CACNA2D4: variants seen among roughly 807,000 people sequenced by gnomAD.
CACNA2D4 encodes calcium voltage-gated channel auxiliary subunit alpha2delta 4.
A neutral mutation model predicts 163.8 loss-of-function variants in CACNA2D4; 157 were observed. That is an observed-to-expected ratio of 0.96 (90% CI 0.84 to 1.09). The LOEUF is 1.09. Ranked by LOEUF, CACNA2D4 falls within the 50% of genes least tolerant of loss-of-function variation. The pLI, the probability that CACNA2D4 is intolerant of heterozygous loss-of-function variation, is 0.00. For synonymous variants in CACNA2D4, 598 were observed against 586.9 expected (o/e 1.02, Z -0.27); for missense variants, 1,410 against 1,479.9 (o/e 0.95, Z 0.78).
intron 13 of CACNA2D4, among the ~76,000 whole-genome samples, chr12:1,880,404 G>C (rs975984696): frequency 6.6e-6 from 1 of 152,236 alleles, no homozygotes; most frequent in Non-Finnish European, 1.5e-5. Flanking sequence ...GGTGGGCTTC[G>C]GGGCCGTTCC....
chr12:1,914,747 C>T, intron 2 of CACNA2D4, 107 bp downstream of exon 2: 1 of 734,942 alleles, frequency 1.4e-6, no homozygotes, highest in East Asian at 2.5e-5. Flanking sequence ...CTGAAATAAA[C>T]CGATTTGATG....
chr12:1,831,552 C>T (rs1864631093), intron 26 of CACNA2D4: 3 of 1,580,596 alleles, frequency 1.9e-6, no homozygotes, highest in Non-Finnish European at 2.6e-6. Context: ...CTGCTGGGGC[C>T]CGAGGGATTG....
intron 29 of CACNA2D4, among the ~76,000 whole-genome samples, chr12:1,804,373 T>G (rs1565673430): frequency 6.6e-6 from 1 of 152,182 alleles, no homozygotes. Flanking sequence ...CTGGTCTTAA[T>G]TCCTACAAAC....
Position 1,875,373 on chromosome 12 carries a change from C to G in CACNA2D4, c.1720-36G>C. 7.7e-7 allele frequency: 1 copy of G among 1,301,248 alleles called. No homozygotes were observed. The highest frequency in any genetic ancestry group is 1.1e-6 in the Non-Finnish European group (1 of 894,642). 80.6% of individuals were successfully genotyped at this position (1,301,248 alleles called of 1,614,324 possible). Reference sequence around the variant, plus strand: ...CAGGTCAGGAAGAAAAACATGTGGTCAGTATACGTCCTGCTCAAGTTTATC... The same window carrying G: ...CAGGTCAGGAAGAAAAACATGTGGTGAGTATACGTCCTGCTCAAGTTTATC... On this transcript the variant is annotated intron_variant, in intron 16 of 37. Coordinates refer to ENST00000382722, the MANE Select transcript of CACNA2D4 (RefSeq NM_172364.5). The surrounding 1 kb of genome is among the most constrained non-coding windows in gnomAD (Gnocchi z 4.0).
chr12:1,871,085 G>GTGTGTAC (rs1865761481), intron 18 of CACNA2D4, among the ~76,000 whole-genome samples: 2 of 151,646 alleles, frequency 1.3e-5, no homozygotes, highest in African/African-American at 4.8e-5. Flanking sequence ...ACGTGTTGCT[G>GTGTGTAC]GTGTGTGTGT....
At chr12:1,841,806 T>G (rs914072747) in intron 25 of CACNA2D4, among the ~76,000 whole-genome samples, 1 of 152,214 alleles carries the variant, frequency 6.6e-6, no homozygotes, top group African/African-American at 2.4e-5. Flanking sequence ...GCTTCTCACA[T>G]CTGCCACGTC....
rs183104882 is a variant in CACNA2D4 at position 1,907,862 on chromosome 12, G to C, written c.649+13C>G. 1.9e-6 allele frequency: 3 copies of C among 1,613,878 alleles called. No individual in the cohort carries two copies. The highest frequency in any genetic ancestry group is 1.7e-6 in the Non-Finnish European group (2 of 1,179,848). On this transcript the variant is annotated intron_variant, in intron 5 of 37. Coordinates refer to ENST00000382722, the MANE Select transcript of CACNA2D4 (RefSeq NM_172364.5). ...TGCCTGGTGAGTGTGCCTGAGCTGAGCGTGCCGGCTACCTTTGTTGTACAC... is the reference window on the plus strand; with the variant it reads ...TGCCTGGTGAGTGTGCCTGAGCTGACCGTGCCGGCTACCTTTGTTGTACAC...
At chr12:1,899,150 A>G (rs1489911204) in intron 6 of CACNA2D4, among the ~76,000 whole-genome samples, 1 of 152,126 alleles carries the variant, frequency 6.6e-6, no homozygotes, top group Non-Finnish European at 1.5e-5. Context: ...TACCAATCAA[A>G]ACCTGTGAGA....
At chr12:1,809,271 G>A (rs1863634864) in intron 29 of CACNA2D4, 4 of 523,854 alleles carry the variant, frequency 7.6e-6, no homozygotes, top group Non-Finnish European at 1.3e-5. Flanking sequence ...GGTGGCCTTG[G>A]CCACGACCTC....
intron 26 of CACNA2D4, chr12:1,830,855 A>G: frequency 8.4e-7 from 1 of 1,197,018 alleles, no homozygotes. Flanking sequence ...GCCTGTTATG[A>G]GCTAGAAAGG....
chr12:1,884,102 A>G, intron 12 of CACNA2D4, 141 bp downstream of exon 12: 1 of 621,920 alleles, frequency 1.6e-6, no homozygotes. Context: ...TGAAGGAGGG[A>G]CTGAGGCTGC....
At chr12:1,870,370 T>A (rs1865743887) in intron 18 of CACNA2D4, among the ~76,000 whole-genome samples, 1 of 152,072 alleles carries the variant, frequency 6.6e-6, no homozygotes, top group Non-Finnish European at 1.5e-5. Context: ...CTAGCCTCCC[T>A]GTGGCTCGCT....
At position 1,855,880 on chromosome 12, in the gene CACNA2D4, T is replaced by G. The variant is rs115645955; in HGVS notation, c.2152+132A>C. 6.5e-3 allele frequency: 4,342 copies of G among 671,516 alleles called. 78 individuals carry two copies. Among genetic ancestry groups the G allele is most frequent in the South Asian group, 0.041 (2,263 of 55,124 alleles). The allele number at this position is 671,516 out of a possible 1,614,324, so 41.6% of individuals were successfully genotyped here. Reference sequence around the variant, plus strand: ...TTTCTTTGGGAATCTCCCTGTTTGATCTAAGCCATCCATGTGCTAATGGGA... The same window carrying G: ...TTTCTTTGGGAATCTCCCTGTTTGAGCTAAGCCATCCATGTGCTAATGGGA... On this transcript the variant is annotated intron_variant, in intron 22 of 37. Coordinates refer to ENST00000382722, the MANE Select transcript of CACNA2D4 (RefSeq NM_172364.5).
At chr12:1,813,909 CAT>C (rs1863795486) in intron 26 of CACNA2D4, among the ~76,000 whole-genome samples, 1 of 152,210 alleles carries the variant, frequency 6.6e-6, no homozygotes, top group Non-Finnish European at 1.5e-5. Flanking sequence ...TCCTCCCGCT[CAT>C]GTGCCCCTCT....
At chr12:1,856,674 G>T (rs1312101252) in intron 20 of CACNA2D4, among the ~76,000 whole-genome samples, 1 of 152,206 alleles carries the variant, frequency 6.6e-6, no homozygotes, top group Non-Finnish European at 1.5e-5. Context: ...TGAAACCAGT[G>T]ATTTTGGCTT....
chr12:1,859,971 G>C (rs1865487492), intron 19 of CACNA2D4, among the ~76,000 whole-genome samples, 174 bp downstream of exon 19: 1 of 152,228 alleles, frequency 6.6e-6, no homozygotes, highest in Non-Finnish European at 1.5e-5. Flanking sequence ...CGTCCAGGCA[G>C]TTTGGCTCTG....
In CACNA2D4 at chr12:1,840,747, A is replaced by G. The variant is rs761599320; in HGVS notation, c.2543T>C (p.Ile848Thr). ...VAVTVDKRTA[I>T]AAAAGVQMKL... ...ACAAGGGCCGTTCCTACCTGCAGCA[A>G]TGGCTGTCCTCTTGTCCACGGTCAC... Residue 848 changes from isoleucine (I) to threonine (T), a missense_variant, in exon 26 of 38, where the codon ATT (isoleucine) becomes ACT (threonine). Ile to Thr is a moderately conservative substitution (Grantham distance 89). Coordinates refer to ENST00000382722, the MANE Select transcript of CACNA2D4 (RefSeq NM_172364.5). 61 of 1,613,544 alleles carry G rather than the reference A, an allele frequency of 3.8e-5. No individual in the cohort carries two copies. Among genetic ancestry groups the G allele is most frequent in the Non-Finnish European group, 5.0e-5 (59 of 1,179,720 alleles).
At position 1,883,004 on chromosome 12, in the gene CACNA2D4, CG is replaced by C. The variant is rs772918670; in HGVS notation, c.1352-5del. ...GTTGAGATCTGCGTGTAGTAGCCTG[CG>C]GTGGGGAAGGCCGCGTGGGTGTGGA... On this transcript the variant is annotated splice_polypyrimidine_tract_variant and splice_region_variant and intron_variant, in intron 12 of 37. Coordinates refer to ENST00000382722, the MANE Select transcript of CACNA2D4 (RefSeq NM_172364.5). This position sits in a 1 kb window ranked among gnomAD's most constrained non-coding sequence, Gnocchi z 4.5. 1 of 1,611,642 alleles carries C rather than the reference CG, an allele frequency of 6.2e-7. No homozygotes were observed. Among genetic ancestry groups the C allele is most frequent in the South Asian group, 1.1e-5 (1 of 90,484 alleles).
chr12:1,846,397 G>A (rs558494393), intron 24 of CACNA2D4, among the ~76,000 whole-genome samples, 197 bp downstream of exon 24: 14 of 150,864 alleles, frequency 9.3e-5, no homozygotes, highest in African/African-American at 3.0e-4. Context: ...ATCCCGATCC[G>A]TAAGCCTTCG....
Sources: gnomAD v4.1 joint callset for allele counts (sites outside exome capture counted in the v4.1 genomes callset) on GRCh38, gnomAD v4.1.1 for gene constraint, Gnocchi (gnomAD v3.1) non-coding constraint, MANE v1.5 for transcripts, NCBI Gene and HGNC (gene_info 2026-07-23, HGNC 2026-07-21) for gene names.